The following PIK3R3 variants were observed in gnomAD, a reference collection of about 807,000 sequenced individuals.
PIK3R3 encodes phosphatidylinositol 3-kinase regulatory subunit gamma.
PIK3R3 carries 64 observed loss-of-function variants against 62.9 expected under a neutral mutation model. The observed-to-expected ratio is 1.02, with a 90% CI of 0.83 to 1.25. PIK3R3 has a LOEUF of 1.25. PIK3R3 is among the 50% of genes most tolerant of loss of function. The probability of loss-of-function intolerance (pLI) is 0.00; values close to 1 mark genes in which losing one functional copy is unlikely to be tolerated. For missense variants in PIK3R3, 614 were observed against 561.6 expected (o/e 1.09, Z -0.94); for synonymous variants, 165 against 189.0 (o/e 0.87, Z 1.04).
intron 3 of PIK3R3, among the ~76,000 whole-genome samples, chr1:46,071,638 G>A (rs1361345372): frequency 1.4e-5 from 2 of 144,314 alleles, no homozygotes; most frequent in Non-Finnish European, 3.0e-5. Flanking sequence ...AGGTTGCAAT[G>A]AGCCAAGATT....
chr1:46,075,997 G>A (rs913959557), intron 3 of PIK3R3, among the ~76,000 whole-genome samples: 1 of 152,202 alleles, frequency 6.6e-6, no homozygotes, highest in African/African-American at 2.4e-5. Context: ...CCAGCTCCAA[G>A]ACAGAGAGAT....
chr1:46,154,731 C>T, the PIK3R3 span, among the ~76,000 whole-genome samples: 1 of 152,162 alleles, frequency 6.6e-6, no homozygotes, highest in African/African-American at 2.4e-5. Context: ...TCATTCACAT[C>T]TGCTTCAGCC....
intron 1 of PIK3R3, among the ~76,000 whole-genome samples, chr1:46,093,169 G>A (rs1651802221): frequency 6.6e-6 from 1 of 152,172 alleles, no homozygotes; most frequent in African/African-American, 2.4e-5. Flanking sequence ...CTTGTGTTAG[G>A]AAAAAGTCCC....
At chr1:46,068,925 CT>C (rs1383066636) in intron 3 of PIK3R3, among the ~76,000 whole-genome samples, 2 of 152,128 alleles carry the variant, frequency 1.3e-5, no homozygotes, top group Non-Finnish European at 2.9e-5. Flanking sequence ...TTCACTCTAG[CT>C]GCTGAGTTGA....
the PIK3R3 span, among the ~76,000 whole-genome samples, chr1:46,139,610 C>G: frequency 2.0e-5 from 3 of 152,038 alleles, no homozygotes; most frequent in Admixed American, 6.6e-5. Context: ...CCCGGCCTTA[C>G]CCATGTGCTT....
At position 46,067,166 on chromosome 1, in the gene PIK3R3, G is replaced by A. The variant is rs116584037; in HGVS notation, c.315-75C>T. 1.5e-3 allele frequency: 1,635 copies of A among 1,124,404 alleles called. 23 individuals carry two copies. In the African/African-American group the frequency reaches 0.024, roughly 17 times the overall value. 69.7% of individuals were successfully genotyped at this position (1,124,404 alleles called of 1,614,324 possible). On this transcript the variant is annotated intron_variant, in intron 3 of 9. Transcript: ENST00000262741. ...TGAACTACTGCTTTCATATGGAGACGTGAAAGCTTGGTGTCACATGATAAA... is the reference window on the plus strand; with the variant it reads ...TGAACTACTGCTTTCATATGGAGACATGAAAGCTTGGTGTCACATGATAAA...
Position 46,077,515 on chromosome 1 carries a change from C to T in PIK3R3, c.314G>A (p.Arg105Gln), listed in dbSNP as rs1296227284. 3.8e-6 allele frequency: 6 copies of T among 1,582,178 alleles called. No homozygotes were observed. Among genetic ancestry groups the T allele is most frequent in the East Asian group, 2.2e-5 (1 of 44,674 alleles). ...AGCCAAAAGACTGAAAAGTACTTAC[C>T]GCAAAGTCAAAGTATAATCTCCCTG... Reference protein sequence around the residue: ...KMQGDYTLTLRKGGNNKLIKI... With the variant: ...KMQGDYTLTLQKGGNNKLIKI... The change falls in exon 3 of 10, where the codon CGG becomes CAG. Residue 105 changes from arginine to glutamine, a missense_variant and splice_region_variant. Arg to Gln is a conservative substitution (Grantham distance 43). Transcript: ENST00000262741.
At chr1:46,072,001 A>G (rs1313569662) in intron 3 of PIK3R3, among the ~76,000 whole-genome samples, 1 of 151,810 alleles carries the variant, frequency 6.6e-6, no homozygotes, top group Non-Finnish European at 1.5e-5. Flanking sequence ...ATTTGCTCCT[A>G]TTGTTATCTA....
At chr1:46,133,135 G>A (rs1026158891), upstream of PIK3R3, 26 of 632,208 alleles carry the variant, frequency 4.1e-5, no homozygotes, top group Non-Finnish European at 5.1e-5. Flanking sequence ...GACAGCCGGC[G>A]CCGGCCGGTA....
chr1:46,127,374 T>A (rs1230896650), intron 1 of PIK3R3, among the ~76,000 whole-genome samples: 6 of 147,684 alleles, frequency 4.1e-5, no homozygotes, highest in South Asian at 2.1e-4. Context: ...TATATATACA[T>A]AATTTCAGAA....
intron 1 of PIK3R3, among the ~76,000 whole-genome samples, chr1:46,089,530 A>G (rs752425923): frequency 1.3e-5 from 2 of 152,128 alleles, no homozygotes; most frequent in Non-Finnish European, 2.9e-5. Flanking sequence ...CCTGGCTAAC[A>G]CAGTGAAACC....
chr1:46,168,499 C>T, the PIK3R3 span, among the ~76,000 whole-genome samples: 1 of 152,196 alleles, frequency 6.6e-6, no homozygotes, highest in Non-Finnish European at 1.5e-5. Flanking sequence ...TGAGATGACC[C>T]CCAGGGCTGC....
At chr1:46,170,103 C>A in the PIK3R3 span, among the ~76,000 whole-genome samples, 1 of 151,966 alleles carries the variant, frequency 6.6e-6, no homozygotes, top group Non-Finnish European at 1.5e-5. Flanking sequence ...TCCCAGCCAC[C>A]CCGAGAAAAG....
intron 1 of PIK3R3, among the ~76,000 whole-genome samples, chr1:46,094,153 ACTAT>A (rs746429666): frequency 5.3e-5 from 8 of 152,168 alleles, no homozygotes; most frequent in Non-Finnish European, 1.0e-4. Context: ...TTAAATTCTG[ACTAT>A]CTGTTAAAGA....
chr1:46,126,816 TTAAA>T (rs1655135519), intron 1 of PIK3R3, among the ~76,000 whole-genome samples: 1 of 151,440 alleles, frequency 6.6e-6, no homozygotes, highest in African/African-American at 2.4e-5. Flanking sequence ...TTTTAATGAA[TTAAA>T]TATATTTTAA....
chr1:46,100,851 T>C (rs2149441261), intron 1 of PIK3R3, among the ~76,000 whole-genome samples: 1 of 152,286 alleles, frequency 6.6e-6, no homozygotes, highest in South Asian at 2.1e-4. Flanking sequence ...TTTCAATTGT[T>C]GTCATTGTAG....
At chr1:46,075,389 G>A (rs1649974245) in intron 3 of PIK3R3, among the ~76,000 whole-genome samples, 1 of 152,194 alleles carries the variant, frequency 6.6e-6, no homozygotes, top group Non-Finnish European at 1.5e-5. Context: ...CGAGGCAGGA[G>A]GACTGCTTGA....
chr1:46,148,767 A>G, the PIK3R3 span, among the ~76,000 whole-genome samples: 1 of 152,106 alleles, frequency 6.6e-6, no homozygotes, highest in Non-Finnish European at 1.5e-5. Flanking sequence ...AGAGAGAGAG[A>G]GAGAGAGAGA....
chr1:46,121,734 C>T (rs1313711247), intron 1 of PIK3R3, among the ~76,000 whole-genome samples: 1 of 151,836 alleles, frequency 6.6e-6, no homozygotes, highest in Non-Finnish European at 1.5e-5. Flanking sequence ...GTTACATATC[C>T]TCAGGTAAGG....
Sources: gnomAD v4.1 joint callset for allele counts (sites outside exome capture counted in the v4.1 genomes callset) on GRCh38, gnomAD v4.1.1 for gene constraint, MANE v1.5 for transcripts, NCBI Gene and HGNC (gene_info 2026-07-23, HGNC 2026-07-21) for gene names.